FAM131B: variants seen among roughly 807,000 people sequenced by gnomAD.
FAM131B encodes the protein family with sequence similarity 131 member B.
FAM131B carries 19 observed loss-of-function variants against 42.0 expected under a neutral mutation model. The observed-to-expected ratio is 0.45, with a 90% CI of 0.32 to 0.66. FAM131B has a LOEUF of 0.66. Among genes scored for constraint, FAM131B ranks in the 30% least tolerant of loss-of-function variants. The pLI is 0.05. For synonymous variants in FAM131B, 183 were observed against 177.6 expected (o/e 1.03, Z -0.24); for missense variants, 370 against 468.4 (o/e 0.79, Z 1.94).
the FAM131B span, among the ~76,000 whole-genome samples, chr7:143,368,977 C>G: frequency 6.6e-6 from 1 of 152,160 alleles, no homozygotes; most frequent in African/African-American, 2.4e-5. Flanking sequence ...GTGAGCCAAT[C>G]AAGTCCAGAG....
upstream of FAM131B, among the ~76,000 whole-genome samples, chr7:143,366,237 C>T (rs982797304): frequency 2.0e-5 from 3 of 152,162 alleles, no homozygotes; most frequent in Non-Finnish European, 4.4e-5. Flanking sequence ...GAGAGGAATA[C>T]ATCTATCTAC....
chr7:143,367,335 T>C (rs1804203128), upstream of FAM131B, among the ~76,000 whole-genome samples: 1 of 152,204 alleles, frequency 6.6e-6, no homozygotes. Context: ...GACATGCTCA[T>C]TTGACTTTTA....
the FAM131B span, chr7:143,380,262 T>C: frequency 1.0e-6 from 1 of 982,656 alleles, no homozygotes; most frequent in Non-Finnish European, 1.2e-6. The surrounding 1 kb of genome is among the most constrained non-coding windows in gnomAD (Gnocchi z 5.0). Context: ...ACTAGAAGAA[T>C]TACCCAGGTC....
At chr7:143,372,505 T>C in the FAM131B span, among the ~76,000 whole-genome samples, 2 of 152,190 alleles carry the variant, frequency 1.3e-5, no homozygotes. Context: ...CAGAGATGGC[T>C]CAGGGTCTAT....
rs1803606473 is a variant in FAM131B at position 143,355,427 on chromosome 7, A to C, written c.*1123T>G. 1 of 152,584 alleles carries C rather than the reference A, an allele frequency of 6.6e-6. No individual in the cohort carries two copies. Among genetic ancestry groups the C allele is most frequent in the African/African-American group, 2.4e-5 (1 of 41,442 alleles). The allele number at this position is 152,584 out of a possible 1,614,324, so 9.5% of individuals were successfully genotyped here. Reference sequence around the variant, plus strand: ...TTGGGAGTCCTGGGAGGAGCTGAAGAAGGGGCAGAAAGTGCCGAGTGCCCA... The same window carrying C: ...TTGGGAGTCCTGGGAGGAGCTGAAGCAGGGGCAGAAAGTGCCGAGTGCCCA... On this transcript the variant is annotated 3_prime_UTR_variant, in exon 7 of 7. Coordinates refer to ENST00000443739, the MANE Select transcript of FAM131B (RefSeq NM_001031690.3). The surrounding 1 kb of genome is among the most constrained non-coding windows in gnomAD (Gnocchi z 4.1).
chr7:143,372,833 C>T, the FAM131B span, among the ~76,000 whole-genome samples: 6 of 152,044 alleles, frequency 3.9e-5, no homozygotes, highest in East Asian at 9.6e-4. Context: ...GTGGTGGGCA[C>T]CTGTAATCCC....
the FAM131B span, among the ~76,000 whole-genome samples, chr7:143,374,654 C>A: frequency 8.5e-5 from 13 of 152,350 alleles, no homozygotes; most frequent in Admixed American, 5.2e-4. Flanking sequence ...ACCTGTCCAG[C>A]CTTTCCTCAC....
At chr7:143,375,715 A>G in the FAM131B span, among the ~76,000 whole-genome samples, 1 of 151,838 alleles carries the variant, frequency 6.6e-6, no homozygotes, top group East Asian at 1.9e-4. Flanking sequence ...CCTACATTCA[A>G]CCTCCACTCT....
rs1008618447 is a variant in FAM131B at position 143,355,062 on chromosome 7, T to A, written c.*1488A>T. On this transcript the variant is annotated 3_prime_UTR_variant, in exon 7 of 7. Transcript: ENST00000443739. This position sits in a 1 kb window ranked among gnomAD's most constrained non-coding sequence, Gnocchi z 4.1. ...TGGGAGCCGGAGCCTTGGAAGGGCG[T>A]GAGGAAAGAAGGAGATAGGGCAGTG... 1 of 152,080 alleles carries A rather than the reference T, an allele frequency of 6.6e-6. No homozygotes were observed. The highest frequency in any genetic ancestry group is 2.4e-5 in the African/African-American group (1 of 41,320). The allele number at this position is 152,080 out of a possible 1,614,324, so 9.4% of individuals were successfully genotyped here. A position where few individuals can be genotyped will look rare whatever the true frequency, so the allele number is the denominator to read the frequency against.
At chr7:143,382,053 C>T in the FAM131B span, 11 of 611,814 alleles carry the variant, frequency 1.8e-5, no homozygotes, top group Non-Finnish European at 3.1e-5. Flanking sequence ...ACGGGAGCTG[C>T]ACCACTCCTC....
chr7:143,356,533 G>A lies in FAM131B; in HGVS notation c.*17C>T. On this transcript the variant is annotated 3_prime_UTR_variant, in exon 7 of 7. Coordinates refer to ENST00000443739, the MANE Select transcript of FAM131B (RefSeq NM_001031690.3). This position sits in a 1 kb window ranked among gnomAD's most constrained non-coding sequence, Gnocchi z 4.4. ...GCCCTCAGGTGGGAGTGGAAGGCAG[G>A]GCATTGGGGGAGGAAACTAGTTGTT... The A allele has an allele frequency of 6.3e-7, 1 of 1,585,296 alleles. No individual in the cohort carries two copies. The highest frequency in any genetic ancestry group is 8.7e-7 in the Non-Finnish European group (1 of 1,155,732).
At chr7:143,367,248 G>A (rs1055470317), upstream of FAM131B, among the ~76,000 whole-genome samples, 7 of 152,200 alleles carry the variant, frequency 4.6e-5, no homozygotes, top group Non-Finnish European at 1.0e-4. Flanking sequence ...TGTGGTTTCA[G>A]CGTTGGTGGT....
At chr7:143,370,529 G>T in the FAM131B span, among the ~76,000 whole-genome samples, 2 of 152,144 alleles carry the variant, frequency 1.3e-5, no homozygotes, top group Non-Finnish European at 2.9e-5. Context: ...GATAAAACAG[G>T]TTGCAGTAAA....
At chr7:143,364,769 G>A (rs1804141373), upstream of FAM131B, among the ~76,000 whole-genome samples, 1 of 152,162 alleles carries the variant, frequency 6.6e-6, no homozygotes, top group African/African-American at 2.4e-5. Flanking sequence ...CACTAGTTAA[G>A]GCCATTGTCC....
the FAM131B span, among the ~76,000 whole-genome samples, chr7:143,378,405 C>T: frequency 1.2e-4 from 19 of 152,124 alleles, no homozygotes; most frequent in African/African-American, 4.6e-4. Context: ...TGGCCATTTT[C>T]TCACTTTGTC....
At chr7:143,380,577 C>A in the FAM131B span, 1 of 985,524 alleles carries the variant, frequency 1.0e-6, no homozygotes, top group Non-Finnish European at 1.2e-6. This position sits in a 1 kb window ranked among gnomAD's most constrained non-coding sequence, Gnocchi z 5.0. Context: ...CCATTCCCGG[C>A]CCCGCGGACC....
At chr7:143,378,585 T>C in the FAM131B span, among the ~76,000 whole-genome samples, 13 of 151,114 alleles carry the variant, frequency 8.6e-5, no homozygotes, top group South Asian at 1.3e-3. Context: ...TTTTTTTTTT[T>C]TTTTTTGAGA....
intron 1 of FAM131B, 91 bp from the exon 2 acceptor site, chr7:143,360,240 C>T (rs2116466470): frequency 1.3e-6 from 2 of 1,532,676 alleles, no homozygotes; most frequent in South Asian, 2.4e-5. Flanking sequence ...CCCTTCCTTA[C>T]CCCAGCTGCC....
chr7:143,366,804 C>T (rs543451177), upstream of FAM131B, among the ~76,000 whole-genome samples: 11 of 152,268 alleles, frequency 7.2e-5, no homozygotes, highest in East Asian at 7.7e-4. Context: ...GCGATCTGCC[C>T]GCCTTGGCCT....
Sources: allele counts gnomAD v4.1 joint callset (sites outside exome capture counted in the v4.1 genomes callset), GRCh38; gene constraint gnomAD v4.1.1; non-coding constraint Gnocchi (gnomAD v3.1); transcripts MANE v1.5; gene names NCBI Gene and HGNC (gene_info 2026-07-23, HGNC 2026-07-21).